The following FPR2 variants were observed in gnomAD, a reference collection of about 807,000 sequenced individuals.
FPR2 encodes formyl peptide receptor 2, also known as N-formyl peptide receptor 2.
A neutral mutation model predicts 4.0 loss-of-function variants in FPR2; 3 were observed. That is an observed-to-expected ratio of 0.74 (90% CI 0.34 to 1.92). The LOEUF (loss-of-function observed/expected upper bound fraction) is 1.92, where lower values mean the gene tolerates loss of function less well. FPR2 is among the 30% of genes most tolerant of loss of function. The probability of loss-of-function intolerance (pLI) is 0.07; values close to 1 mark genes in which losing one functional copy is unlikely to be tolerated. For synonymous variants in FPR2, 179 were observed against 171.5 expected, an observed-to-expected ratio of 1.04 and a Z score of -0.34; for missense variants, 372 against 435.7, an observed-to-expected ratio of 0.85 and a Z score of 1.30.
intron 1 of FPR2, among the ~76,000 whole-genome samples, chr19:51,766,320 T>A (rs999275928): frequency 1.3e-5 from 2 of 152,188 alleles, no homozygotes; most frequent in Non-Finnish European, 2.9e-5. Flanking sequence ...TTGTCATTTC[T>A]GGAGAAGGAG....
Position 51,769,510 on chromosome 19 carries a change from T to C in FPR2, c.852T>C (p.Val284=). The C allele has an allele frequency of 3.7e-6, 6 of 1,614,198 alleles. No individual in the cohort carries two copies. The highest frequency in any genetic ancestry group is 5.1e-6 in the Non-Finnish European group (6 of 1,180,032). ...AGTACAAAATCATTGACATCCTGGT[T>C]AACCCAACGAGCTCCCTGGCCTTCT... The part of the protein sequence containing the change: ...YGKYKIIDIL[V]NPTSSLAFFN... The change falls in exon 2 of 2, where the codon GTT becomes GTC. Residue 284 remains valine (V), a synonymous_variant. Transcript: ENST00000340023. This position sits in a 1 kb window ranked among gnomAD's most constrained non-coding sequence, Gnocchi z 4.4.
chr19:51,766,580 T>G (rs2083869646), intron 1 of FPR2, among the ~76,000 whole-genome samples: 1 of 152,178 alleles, frequency 6.6e-6, no homozygotes, highest in South Asian at 2.1e-4. Context: ...CATAGCCCTA[T>G]CCTAGTAATC....
chr19:51,767,535 C>A (rs1319618796), intron 1 of FPR2, among the ~76,000 whole-genome samples: 1 of 152,132 alleles, frequency 6.6e-6, no homozygotes, highest in East Asian at 1.9e-4. Context: ...TTAGACTAGT[C>A]AGGATTTACT....
intron 1 of FPR2, chr19:51,763,364 A>C (rs1349319183): frequency 6.6e-6 from 1 of 152,238 alleles, no homozygotes; most frequent in Non-Finnish European, 1.5e-5. Context: ...TGGCACAGGA[A>C]AAACGTGATT....
chr19:51,763,183 GA>G (rs2083849811), intron 1 of FPR2: 1 of 152,134 alleles, frequency 6.6e-6, no homozygotes, highest in Non-Finnish European at 1.5e-5. Flanking sequence ...ATCACCTATA[GA>G]AAGACTATAT....
rs780559901 is a variant in FPR2 at position 51,768,862 on chromosome 19, C to T, written c.204C>T (p.Ala68=). ...CCACCATCTGTTACCTGAACCTGGC[C>T]CTGGCTGACTTTTCTTTCACGGCCA... ...TVTTICYLNL[A]LADFSFTATL... Residue 68 remains alanine, a synonymous_variant, in exon 2 of 2, where the codon GCC becomes GCT. Transcript: ENST00000340023. 11 of 1,613,998 alleles carry T rather than the reference C, an allele frequency of 6.8e-6. No homozygotes were observed. Among genetic ancestry groups the T allele is most frequent in the Admixed American group, 6.7e-5 (4 of 60,000 alleles).
intron 1 of FPR2, chr19:51,768,367 C>T (rs2083879184): frequency 5.7e-6 from 2 of 349,292 alleles, no homozygotes; most frequent in Non-Finnish European, 1.1e-5. Context: ...GTCCATACAA[C>T]ATAAGTTCAG....
In FPR2 at chr19:51,769,737, A is replaced by C; in HGVS notation, c.*23A>C. The C allele has an allele frequency of 1.3e-6, 2 of 1,596,620 alleles. No homozygotes were observed. Among genetic ancestry groups the C allele is most frequent in the South Asian group, 2.2e-5 (2 of 90,392 alleles). ...TGAGGATGGGGTCAGGGATATTTTGAGTTCTGTTCATCCTACCCTAATGCC... is the reference window on the plus strand; with the variant it reads ...TGAGGATGGGGTCAGGGATATTTTGCGTTCTGTTCATCCTACCCTAATGCC... On this transcript the variant is annotated 3_prime_UTR_variant, in exon 2 of 2. Transcript: ENST00000340023. This position sits in a 1 kb window ranked among gnomAD's most constrained non-coding sequence, Gnocchi z 4.4.
intron 1 of FPR2, among the ~76,000 whole-genome samples, chr19:51,762,036 T>C (rs1568643275): frequency 6.6e-6 from 1 of 151,794 alleles, no homozygotes; most frequent in African/African-American, 2.4e-5. Flanking sequence ...AGTTAGAAGT[T>C]TGGAAGCCAT....
chr19:51,764,120 A>C (rs1475734610), intron 1 of FPR2, among the ~76,000 whole-genome samples: 1 of 152,128 alleles, frequency 6.6e-6, no homozygotes, highest in Non-Finnish European at 1.5e-5. Context: ...TAATAGTGAG[A>C]ATGATCTAGT....
intron 1 of FPR2, among the ~76,000 whole-genome samples, chr19:51,766,748 G>A (rs933580038): frequency 6.6e-6 from 1 of 152,126 alleles, no homozygotes; most frequent in Admixed American, 6.5e-5. Context: ...TCCCCCAGAT[G>A]TGATGGCTGT....
At chr19:51,765,246 A>C (rs1182813967) in intron 1 of FPR2, among the ~76,000 whole-genome samples, 1 of 152,180 alleles carries the variant, frequency 6.6e-6, no homozygotes, top group African/African-American at 2.4e-5. Flanking sequence ...TATGGGGTGG[A>C]AAAGGGTTAA....
chr19:51,767,665 C>T (rs562553556), intron 1 of FPR2, among the ~76,000 whole-genome samples: 6 of 152,170 alleles, frequency 3.9e-5, no homozygotes, highest in Admixed American at 3.3e-4. Flanking sequence ...ATCTGTCAAG[C>T]GTAAGGGTTT....
At chr19:51,764,508 C>A (rs543802395) in intron 1 of FPR2, among the ~76,000 whole-genome samples, 37 of 152,278 alleles carry the variant, frequency 2.4e-4, no homozygotes, top group Admixed American at 2.2e-3. Context: ...CATTTGAAAT[C>A]TGTGGTCATA....
Position 51,765,962 on chromosome 19 carries a change from G to A in FPR2, c.-14-2683G>A, listed in dbSNP as rs143523380. ...TATATTTTAGACAGAGTCTCGCTCT[G>A]TCCCCCAGGCTGGAGTGCAGTGGCA... is the stretch of plus-strand genomic sequence containing the variant. On this transcript the variant is annotated intron_variant, in intron 1 of 1. Transcript: ENST00000340023. Among the ~76,000 whole-genome samples, 842 of 152,272 alleles carry A rather than the reference G, an allele frequency of 5.5e-3. 10 individuals are homozygous for A. The highest frequency in any genetic ancestry group is 0.019 in the African/African-American group (798 of 41,548).
rs2083888685 is a variant in FPR2, at chr19:51,769,451, A to G, written c.793A>G (p.Thr265Ala). Residue 265 changes from threonine (T) to alanine (A), a missense_variant, in exon 2 of 2, where the codon ACC becomes GCC. Coordinates refer to ENST00000340023, the MANE Select transcript of FPR2 (RefSeq NM_001005738.2). The surrounding 1 kb of genome is among the most constrained non-coding windows in gnomAD (Gnocchi z 4.4). ...FPFQLVALLG[T>A]VWLKEMLFYG... ...CTTTCAACTGGTTGCCCTTCTGGGC[A>G]CCGTCTGGCTCAAAGAGATGTTGTT... 1.9e-6 allele frequency: 3 copies of G among 1,614,030 alleles called. No individual in the cohort carries two copies. Among genetic ancestry groups the G allele is most frequent in the Non-Finnish European group, 2.5e-6 (3 of 1,180,040 alleles).
At chr19:51,763,650 C>G (rs925001435) in intron 1 of FPR2, 2 of 152,196 alleles carry the variant, frequency 1.3e-5, no homozygotes, top group Non-Finnish European at 2.9e-5. Flanking sequence ...AGAATTCTCT[C>G]AGGAGAAATA....
Position 51,769,030 on chromosome 19 carries a change from C to T in FPR2, c.372C>T (p.Cys124=), listed in dbSNP as rs1374531403. 6.2e-7 allele frequency: 1 copy of T among 1,614,198 alleles called. No individual in the cohort carries two copies. Among genetic ancestry groups the T allele is most frequent in the Non-Finnish European group, 8.5e-7 (1 of 1,180,030 alleles). ...TTGGTTTCATTGCACTGGACCGCTG[C>T]ATTTGTGTCCTGCATCCAGTCTGGG... ...FLIGFIALDR[C]ICVLHPVWAQ... Residue 124 remains cysteine (C), a synonymous_variant, in exon 2 of 2, where the codon TGC becomes TGT. Coordinates refer to ENST00000340023, the MANE Select transcript of FPR2 (RefSeq NM_001005738.2). The surrounding 1 kb of genome is among the most constrained non-coding windows in gnomAD (Gnocchi z 4.4).
chr19:51,769,542 G>T lies in FPR2; in HGVS notation c.884G>T (p.Ser295Ile), dbSNP rs1465160973. 1 of 1,614,128 alleles carries T rather than the reference G, an allele frequency of 6.2e-7. No homozygotes were observed. Among genetic ancestry groups the T allele is most frequent in the Admixed American group, 1.7e-5 (1 of 60,014 alleles). Residue 295 changes from serine to isoleucine, a missense_variant, in exon 2 of 2, where the codon AGC becomes ATC. Physicochemically the swap from Ser to Ile is moderately radical, Grantham distance 142. Coordinates refer to ENST00000340023, the MANE Select transcript of FPR2 (RefSeq NM_001005738.2). The surrounding 1 kb of genome is among the most constrained non-coding windows in gnomAD (Gnocchi z 4.4). ...ACGAGCTCCCTGGCCTTCTTCAACA[G>T]CTGCCTCAACCCCATGCTTTACGTC... is the stretch of plus-strand genomic sequence containing the variant. ...NPTSSLAFFN[S>I]CLNPMLYVFV...
Sources: allele counts gnomAD v4.1 joint callset (sites outside exome capture counted in the v4.1 genomes callset), GRCh38; gene constraint gnomAD v4.1.1; non-coding constraint Gnocchi (gnomAD v3.1); transcripts MANE v1.5; gene names NCBI Gene and HGNC (gene_info 2026-07-23, HGNC 2026-07-21).